GABRG3: variants seen among roughly 807,000 people sequenced by gnomAD.
GABRG3 encodes gamma-aminobutyric acid receptor subunit gamma-3.
A neutral mutation model predicts 48.8 loss-of-function variants in GABRG3; 25 were observed. The observed-to-expected ratio is 0.51, with a 90% CI of 0.37 to 0.72. The LOEUF is 0.72. Ranked by LOEUF, GABRG3 falls within the 30% of genes least tolerant of loss-of-function variation. The pLI is 0.00. For missense variants in GABRG3, 394 were observed against 577.9 expected (o/e 0.68, Z 3.26); for synonymous variants, 227 against 217.6 (o/e 1.04, Z -0.38).
chr15:27,059,135 G>A (rs1353403894), intron 3 of GABRG3, among the ~76,000 whole-genome samples: 1 of 152,206 alleles, frequency 6.6e-6, no homozygotes, highest in South Asian at 2.1e-4. Context: ...CTGCCATTCA[G>A]GGAAGCAGAA....
At chr15:27,223,094 A>G (rs1164248409) in intron 3 of GABRG3, among the ~76,000 whole-genome samples, 3 of 152,240 alleles carry the variant, frequency 2.0e-5, no homozygotes, top group Non-Finnish European at 4.4e-5. Context: ...GAGGCTGTGA[A>G]TAATTTAAAG....
At chr15:27,094,502 T>C (rs1318071593) in intron 3 of GABRG3, among the ~76,000 whole-genome samples, 3 of 152,148 alleles carry the variant, frequency 2.0e-5, no homozygotes, top group African/African-American at 7.2e-5. Context: ...GCCATACAGA[T>C]GGGATTGACC....
At chr15:27,399,360 G>A (rs768457630) in intron 5 of GABRG3, among the ~76,000 whole-genome samples, 12 of 152,156 alleles carry the variant, frequency 7.9e-5, no homozygotes, top group Admixed American at 4.6e-4. Context: ...AAATGAACAC[G>A]TGCTTTCTCT....
chr15:27,065,163 A>T (rs1199738185), intron 3 of GABRG3, among the ~76,000 whole-genome samples: 1 of 152,184 alleles, frequency 6.6e-6, no homozygotes, highest in African/African-American at 2.4e-5. Flanking sequence ...AAGGCTGTTT[A>T]TGGCGGTCTA....
intron 3 of GABRG3, among the ~76,000 whole-genome samples, chr15:27,273,112 A>T (rs921333802): frequency 2.6e-5 from 4 of 152,238 alleles, no homozygotes; most frequent in African/African-American, 9.6e-5. Context: ...GATAAAAAAA[A>T]ATACAAGGAG....
At chr15:27,471,199 G>A (rs1595777191) in intron 5 of GABRG3, among the ~76,000 whole-genome samples, 1 of 152,156 alleles carries the variant, frequency 6.6e-6, no homozygotes, top group East Asian at 1.9e-4. Flanking sequence ...AAATCATAGG[G>A]TTGTGGAAAG....
intron 3 of GABRG3, among the ~76,000 whole-genome samples, chr15:27,053,563 G>A (rs1566921510): frequency 6.6e-6 from 1 of 152,196 alleles, no homozygotes. Context: ...AGCCATTGTG[G>A]AGAGCATTTT....
At chr15:27,323,399 T>A (rs966302472) in intron 3 of GABRG3, among the ~76,000 whole-genome samples, 2 of 152,176 alleles carry the variant, frequency 1.3e-5, no homozygotes, top group African/African-American at 4.8e-5. Context: ...TGGATGTGCT[T>A]GGGAGGACAT....
chr15:27,131,518 G>T (rs1897916272), intron 3 of GABRG3, among the ~76,000 whole-genome samples: 1 of 151,890 alleles, frequency 6.6e-6, no homozygotes, highest in African/African-American at 2.4e-5. Context: ...GTCTTTGTTT[G>T]GTGTTGGTGT....
chr15:27,450,074 C>G (rs922491803), intron 5 of GABRG3, among the ~76,000 whole-genome samples: 1 of 152,198 alleles, frequency 6.6e-6, no homozygotes, highest in South Asian at 2.1e-4. Context: ...ATGGAGATTC[C>G]AGAGAAACTG....
intron 5 of GABRG3, among the ~76,000 whole-genome samples, chr15:27,410,978 A>G (rs1425622599): frequency 6.6e-6 from 1 of 152,006 alleles, no homozygotes; most frequent in Non-Finnish European, 1.5e-5. Context: ...TTGAAGATCC[A>G]TCAGCGATGA....
At chr15:27,386,135 C>G (rs927975868) in intron 5 of GABRG3, among the ~76,000 whole-genome samples, 1 of 151,958 alleles carries the variant, frequency 6.6e-6, no homozygotes, top group African/African-American at 2.4e-5. Context: ...CTTTGTTTTC[C>G]TGGTGTTTTC....
At chr15:27,434,937 C>A (rs1322219625) in intron 5 of GABRG3, among the ~76,000 whole-genome samples, 3 of 152,170 alleles carry the variant, frequency 2.0e-5, no homozygotes, top group Non-Finnish European at 4.4e-5. Context: ...TTCCTGCTCT[C>A]ATCTTTCCAC....
intron 3 of GABRG3, chr15:27,280,279 C>T (rs1018730760): frequency 6.6e-6 from 1 of 151,878 alleles, no homozygotes; most frequent in African/African-American, 2.4e-5. Flanking sequence ...AAAATGAATA[C>T]AAAAGTTTAA....
rs756434253 is a variant in GABRG3 at position 26,976,981 on chromosome 15, A to G, written c.54-21A>G. 1.1e-5 allele frequency: 18 copies of G among 1,613,758 alleles called. No individual in the cohort carries two copies. Among genetic ancestry groups the G allele is most frequent in the Non-Finnish European group, 1.5e-5 (18 of 1,179,806 alleles). ...GCCATTGCTGCCACTTATATGTCGC[A>G]TTTTTGTGCTGTAACTCCAGGTCCA... is the stretch of plus-strand genomic sequence containing the variant. On this transcript the variant is annotated intron_variant, in intron 1 of 9. Coordinates refer to ENST00000615808, the MANE Select transcript of GABRG3 (RefSeq NM_033223.5). The surrounding 1 kb of genome is among the most constrained non-coding windows in gnomAD (Gnocchi z 7.8).
rs143170102 is a variant in GABRG3 at position 27,087,312 on chromosome 15, G to A, written c.270+60491G>A. Among the ~76,000 whole-genome samples, 216 of 152,340 alleles carry A rather than the reference G, an allele frequency of 1.4e-3. 6 individuals carry two copies. The East Asian group carries it at 0.028, about 20-fold the overall frequency. ...AGGGGCCTGAGTGGAATCCCGGCCT[G>A]CATGCTTCACCTCGGGGTCCACAGT... On this transcript the variant is annotated intron_variant, in intron 3 of 9. Coordinates refer to ENST00000615808, the MANE Select transcript of GABRG3 (RefSeq NM_033223.5).
At chr15:27,475,584 G>T (rs1314974419) in intron 5 of GABRG3, among the ~76,000 whole-genome samples, 1 of 151,958 alleles carries the variant, frequency 6.6e-6, no homozygotes. Context: ...GGTGGTGATG[G>T]TGATGACATT....
At chr15:27,523,845 T>C (rs1000294213) in intron 7 of GABRG3, among the ~76,000 whole-genome samples, 6 of 151,746 alleles carry the variant, frequency 4.0e-5, no homozygotes, top group Non-Finnish European at 7.4e-5. Flanking sequence ...TTGAAAAAAA[T>C]AATAATCAAC....
chr15:27,192,202 C>T (rs1888337036), intron 3 of GABRG3, among the ~76,000 whole-genome samples: 3 of 152,056 alleles, frequency 2.0e-5, no homozygotes, highest in Admixed American at 2.0e-4. Context: ...AATTGTGTGT[C>T]TTGGAGTTGC....
Sources: allele counts gnomAD v4.1 joint callset (sites outside exome capture counted in the v4.1 genomes callset), GRCh38; gene constraint gnomAD v4.1.1; non-coding constraint Gnocchi (gnomAD v3.1); transcripts MANE v1.5; gene names NCBI Gene and HGNC (gene_info 2026-07-23, HGNC 2026-07-21).